Variants in NKAIN2 observed in about 807,000 individuals in gnomAD.
The protein encoded by NKAIN2 is sodium/potassium-transporting ATPase subunit beta-1-interacting protein 2.
Under a neutral mutation model 32.6 loss-of-function variants are expected in NKAIN2, and 14 were observed. That is an observed-to-expected ratio of 0.43 (90% CI 0.28 to 0.67). The LOEUF is 0.67. Among genes scored for constraint, NKAIN2 ranks in the 30% least tolerant of loss-of-function variants. The pLI, the probability that NKAIN2 is intolerant of heterozygous loss-of-function variation, is 0.17. For missense variants in NKAIN2, 198 were observed against 258.3 expected, an observed-to-expected ratio of 0.77 and a Z score of 1.60; for synonymous variants, 80 against 87.2, an observed-to-expected ratio of 0.92 and a Z score of 0.46.
At chr6:124,360,461 C>G (rs1369196846) in intron 3 of NKAIN2, among the ~76,000 whole-genome samples, 1 of 151,972 alleles carries the variant, frequency 6.6e-6, no homozygotes, top group Non-Finnish European at 1.5e-5. Context: ...ATACACAGGA[C>G]TAACCCTTTT....
At chr6:124,243,509 GAAAA>G (rs796965217) in intron 1 of NKAIN2, among the ~76,000 whole-genome samples, 1 of 139,982 alleles carries the variant, frequency 7.1e-6, no homozygotes, top group Non-Finnish European at 1.6e-5. Flanking sequence ...AAAAAGGAAA[GAAAA>G]AAAAAAAGAA....
At chr6:124,392,497 C>T (rs1773185407) in intron 3 of NKAIN2, among the ~76,000 whole-genome samples, 2 of 151,978 alleles carry the variant, frequency 1.3e-5, no homozygotes, top group East Asian at 1.9e-4. Flanking sequence ...CAGATGAGGA[C>T]TTTTCCAGCA....
At chr6:124,229,081 A>G (rs1278052597) in intron 1 of NKAIN2, among the ~76,000 whole-genome samples, 2 of 152,224 alleles carry the variant, frequency 1.3e-5, no homozygotes, top group African/African-American at 4.8e-5. Context: ...AAAGATATGT[A>G]GTCATTGGAA....
At chr6:123,999,160 A>G (rs1293436778) in intron 1 of NKAIN2, among the ~76,000 whole-genome samples, 3 of 152,138 alleles carry the variant, frequency 2.0e-5, no homozygotes, top group Admixed American at 2.0e-4. Flanking sequence ...GCAAATGGTA[A>G]GGTTACATCA....
chr6:123,812,408 TAAAAC>T (rs1479813565), intron 1 of NKAIN2, among the ~76,000 whole-genome samples: 1 of 152,190 alleles, frequency 6.6e-6, no homozygotes, highest in East Asian at 1.9e-4. Flanking sequence ...ATCAAGTTAT[TAAAAC>T]AAATGAATAG....
At chr6:124,018,948 G>C (rs1415716563) in intron 1 of NKAIN2, among the ~76,000 whole-genome samples, 1 of 152,084 alleles carries the variant, frequency 6.6e-6, no homozygotes, top group Admixed American at 6.6e-5. Context: ...AATTTATAAA[G>C]GAAAGAGGTT....
intron 4 of NKAIN2, among the ~76,000 whole-genome samples, chr6:124,690,188 T>C (rs1774190506): frequency 6.6e-6 from 1 of 152,174 alleles, no homozygotes; most frequent in African/African-American, 2.4e-5. Flanking sequence ...TATTCCTATG[T>C]ATTTCATTTT....
At chr6:124,579,513 G>C (rs1781448615) in intron 3 of NKAIN2, among the ~76,000 whole-genome samples, 1 of 152,196 alleles carries the variant, frequency 6.6e-6, no homozygotes, top group Non-Finnish European at 1.5e-5. Context: ...GAAATAAATA[G>C]TGAACTTGAA....
At chr6:124,653,769 C>T (rs1356765151) in intron 3 of NKAIN2, among the ~76,000 whole-genome samples, 2 of 152,010 alleles carry the variant, frequency 1.3e-5, no homozygotes, top group Non-Finnish European at 2.9e-5. Context: ...TAAAAGACTA[C>T]CAGGTATGGT....
chr6:124,198,300 T>C (rs1050736488), intron 1 of NKAIN2, among the ~76,000 whole-genome samples: 1 of 151,954 alleles, frequency 6.6e-6, no homozygotes, highest in African/African-American at 2.4e-5. Flanking sequence ...ACTGCAGTTG[T>C]TTAGTACTTC....
chr6:124,149,419 T>A (rs1787585393), intron 1 of NKAIN2, among the ~76,000 whole-genome samples: 1 of 152,244 alleles, frequency 6.6e-6, no homozygotes, highest in African/African-American at 2.4e-5. Flanking sequence ...TTTTAGCTCT[T>A]ACATTTAGGA....
intron 4 of NKAIN2, among the ~76,000 whole-genome samples, chr6:124,695,339 A>G (rs1446789172): frequency 6.6e-6 from 1 of 152,204 alleles, no homozygotes; most frequent in Non-Finnish European, 1.5e-5. Context: ...ACCAGCTCAG[A>G]ACACCAGCCA....
chr6:124,631,757 C>CA, intron 3 of NKAIN2, among the ~76,000 whole-genome samples: 1 of 152,060 alleles, frequency 6.6e-6, no homozygotes, highest in Non-Finnish European at 1.5e-5. Context: ...ATGAGGATCC[C>CA]ACTTATTTCT....
chr6:123,917,873 G>A (rs1469129608), intron 1 of NKAIN2, among the ~76,000 whole-genome samples: 1 of 152,154 alleles, frequency 6.6e-6, no homozygotes, highest in Non-Finnish European at 1.5e-5. Flanking sequence ...GTAAACTGCA[G>A]TGGTTTGTGG....
At chr6:124,634,831 C>CA (rs2114325810) in intron 3 of NKAIN2, among the ~76,000 whole-genome samples, 1 of 151,678 alleles carries the variant, frequency 6.6e-6, no homozygotes, top group Admixed American at 6.6e-5. Context: ...CTAAAAACAG[C>CA]AAAAACAAAC....
chr6:124,807,032 TAATAATGGGAGACTTTA>T (rs1780601706), intron 5 of NKAIN2, among the ~76,000 whole-genome samples: 2 of 151,982 alleles, frequency 1.3e-5, no homozygotes, highest in African/African-American at 4.8e-5. Flanking sequence ...TCCCACACAT[TAATAATGGGAGACTTTA>T]ACACCCCACT....
chr6:123,955,255 G>A (rs920698192), intron 1 of NKAIN2, among the ~76,000 whole-genome samples: 3 of 151,314 alleles, frequency 2.0e-5, no homozygotes, highest in Admixed American at 2.0e-4. Flanking sequence ...ACTTAGTTTG[G>A]CCATGACACT....
intron 4 of NKAIN2, among the ~76,000 whole-genome samples, chr6:124,770,953 G>A (rs1778726798): frequency 6.6e-6 from 1 of 152,136 alleles, no homozygotes; most frequent in African/African-American, 2.4e-5. Flanking sequence ...GTAAAGAAAA[G>A]AGAGTAAGAG....
chr6:124,822,389 A>T (rs1452408623), intron 6 of NKAIN2, among the ~76,000 whole-genome samples: 1 of 152,220 alleles, frequency 6.6e-6, no homozygotes, highest in East Asian at 1.9e-4. Flanking sequence ...TAAAAATATT[A>T]TATAGCAAAT....
Sources: gnomAD v4.1 joint callset for allele counts (sites outside exome capture counted in the v4.1 genomes callset) on GRCh38, gnomAD v4.1.1 for gene constraint, MANE v1.5 for transcripts, NCBI Gene and HGNC (gene_info 2026-07-23, HGNC 2026-07-21) for gene names.